Variants in PTPRG observed in about 807,000 individuals in gnomAD.
PTPRG encodes receptor-type tyrosine-protein phosphatase gamma.
A neutral mutation model predicts 165.3 loss-of-function variants in PTPRG; 102 were observed. The observed-to-expected ratio is 0.62, with a 90% CI of 0.53 to 0.73. PTPRG has a LOEUF of 0.73. Ranked by LOEUF, PTPRG falls within the 30% of genes least tolerant of loss-of-function variation. PTPRG has a pLI of 0.00. For missense variants in PTPRG, 1,866 were observed against 1,861.4 expected, an observed-to-expected ratio of 1.00 and a Z score of -0.05; for synonymous variants, 675 against 669.5, an observed-to-expected ratio of 1.01 and a Z score of -0.13.
intron 8 of PTPRG, among the ~76,000 whole-genome samples, chr3:62,185,393 C>G (rs1001683264): frequency 2.0e-5 from 3 of 152,074 alleles, no homozygotes; most frequent in Non-Finnish European, 4.4e-5. Flanking sequence ...ATCAGACTTC[C>G]CTTTGTTAGG....
rs657267 is a variant in PTPRG at position 61,735,831 on chromosome 3, C to A, written c.86-13047C>A. 7.2e-3 allele frequency among the ~76,000 whole-genome samples: 1,096 copies of A among 151,944 alleles called. 19 individuals are homozygous for A. The highest frequency in any genetic ancestry group is 0.025 in the African/African-American group (1,018 of 41,436). ...ACTTAGATGTGCTCACACCGACTTACGGAAAAGTTCTTTTTAGAATTGTTT... is the reference window on the plus strand; with the variant it reads ...ACTTAGATGTGCTCACACCGACTTAAGGAAAAGTTCTTTTTAGAATTGTTT... On this transcript the variant is annotated intron_variant, in intron 1 of 29. Coordinates refer to ENST00000474889, the MANE Select transcript of PTPRG (RefSeq NM_002841.4).
chr3:61,798,295 T>C (rs1296275896), intron 2 of PTPRG, among the ~76,000 whole-genome samples: 3 of 152,182 alleles, frequency 2.0e-5, no homozygotes, highest in African/African-American at 7.2e-5. Flanking sequence ...CTCAGCATGT[T>C]AGGATCCCTT....
intron 16 of PTPRG, among the ~76,000 whole-genome samples, chr3:62,259,169 A>C (rs772064763): frequency 6.6e-6 from 1 of 152,230 alleles, no homozygotes; most frequent in African/African-American, 2.4e-5. Flanking sequence ...CTGAGGGACC[A>C]GTGGCCACAA....
intron 2 of PTPRG, among the ~76,000 whole-genome samples, chr3:61,876,285 G>A (rs1388877183): frequency 6.6e-6 from 1 of 152,172 alleles, no homozygotes; most frequent in Non-Finnish European, 1.5e-5. Flanking sequence ...AGATTGGGGA[G>A]GGCTAAGGAG....
intron 28 of PTPRG, 35 bp downstream of exon 28, chr3:62,282,904 C>T (rs764163572): frequency 3.1e-5 from 49 of 1,557,434 alleles, no homozygotes; most frequent in East Asian, 4.6e-5. Flanking sequence ...AAATGTAGAC[C>T]GTTTTTTTGT....
At chr3:61,672,611 C>G (rs528624209) in intron 1 of PTPRG, among the ~76,000 whole-genome samples, 1,523 of 151,028 alleles carry the variant, frequency 0.01, 26 homozygotes, top group African/African-American at 0.035. Context: ...TGCAGGCACT[C>G]GGCAGGCTGA....
At position 61,699,775 on chromosome 3, in the gene PTPRG, TA is replaced by T. The variant is rs1217145814; in HGVS notation, c.86-49099del. On this transcript the variant is annotated intron_variant, in intron 1 of 29. Transcript: ENST00000474889. Reference sequence around the variant, plus strand: ...AGGAGATAGTCTGAATTCATTGGAGTAAAAGGGAACAAAAGAAGCTAGCTTC... The same window carrying T: ...AGGAGATAGTCTGAATTCATTGGAGTAAAGGGAACAAAAGAAGCTAGCTTC... 2.6e-5 allele frequency among the ~76,000 whole-genome samples: 4 copies of T among 151,928 alleles called. No homozygotes were observed. The East Asian group carries it at 7.7e-4, about 29-fold the overall frequency.
intron 2 of PTPRG, among the ~76,000 whole-genome samples, chr3:61,915,428 A>G (rs1575780544): frequency 6.6e-6 from 1 of 152,270 alleles, no homozygotes; most frequent in East Asian, 1.9e-4. Flanking sequence ...TGACTTCAAT[A>G]TGGCAGTGGA....
At chr3:62,061,826 C>G (rs1208377529) in intron 4 of PTPRG, among the ~76,000 whole-genome samples, 1 of 151,294 alleles carries the variant, frequency 6.6e-6, no homozygotes, top group South Asian at 2.1e-4. Flanking sequence ...GACGGGGTTT[C>G]ACCACGTTGG....
intron 2 of PTPRG, among the ~76,000 whole-genome samples, chr3:61,937,877 C>G (rs1217153922): frequency 6.6e-6 from 1 of 151,670 alleles, no homozygotes; most frequent in Non-Finnish European, 1.5e-5. Context: ...ATCACTGGTG[C>G]TGCCAAGAAG....
intron 1 of PTPRG, among the ~76,000 whole-genome samples, chr3:61,629,563 C>T (rs547600000): frequency 3.3e-5 from 5 of 152,260 alleles, no homozygotes; most frequent in South Asian, 4.1e-4. Flanking sequence ...TGTTCATCTG[C>T]GCTGCTGCTT....
In PTPRG at chr3:62,214,169, C is replaced by T. The variant is rs891109369; in HGVS notation, c.2156-4682C>T. On this transcript the variant is annotated intron_variant, in intron 12 of 29. Coordinates refer to ENST00000474889, the MANE Select transcript of PTPRG (RefSeq NM_002841.4). The surrounding 1 kb of genome is among the most constrained non-coding windows in gnomAD (Gnocchi z 5.2). ...GCACATCTGAAGTTCTGTATGACTG[C>T]CACTTACACACTCAGATGTTACAGA... Among the ~76,000 whole-genome samples the T allele has an allele frequency of 1.3e-5, 2 of 152,208 alleles. No homozygotes were observed. The highest frequency in any genetic ancestry group is 4.8e-5 in the African/African-American group (2 of 41,454).
At chr3:62,165,936 T>G (rs754225281) in intron 7 of PTPRG, among the ~76,000 whole-genome samples, 83 of 152,128 alleles carry the variant, frequency 5.5e-4, no homozygotes, top group Non-Finnish European at 1.0e-3. Flanking sequence ...ACCTAGAATT[T>G]GCAGAAACCC....
intron 2 of PTPRG, chr3:61,769,580 A>G (rs1479936196): frequency 1.3e-5 from 2 of 152,176 alleles, no homozygotes; most frequent in Non-Finnish European, 2.9e-5. Flanking sequence ...GATGCCCACT[A>G]ATGGTTTGGT....
chr3:61,751,807 G>A (rs2033441902), intron 2 of PTPRG, among the ~76,000 whole-genome samples: 1 of 151,976 alleles, frequency 6.6e-6, no homozygotes, highest in Non-Finnish European at 1.5e-5. Flanking sequence ...TGGCTAACAC[G>A]GTGAAATCCC....
chr3:61,855,651 CTTTTTTTT>C (rs35525843), intron 2 of PTPRG, among the ~76,000 whole-genome samples: 1 of 120,322 alleles, frequency 8.3e-6, no homozygotes, highest in Non-Finnish European at 1.7e-5. Flanking sequence ...AAGGGTAGGC[CTTTTTTTT>C]TTTTTTTTTT....
In PTPRG at chr3:61,671,668, C is replaced by T. The variant is rs1323066297; in HGVS notation, c.86-77210C>T. ...TGAGCTGTTGGGTACACCTCGCAGA[C>T]GGGGTGGTGGCCGGGCAGAGGGGCT... is the stretch of plus-strand genomic sequence containing the variant. On this transcript the variant is annotated intron_variant, in intron 1 of 29. Transcript: ENST00000474889. Among the ~76,000 whole-genome samples the T allele has an allele frequency of 5.7e-3, 843 of 147,694 alleles. 10 individuals are homozygous for T. The highest frequency in any genetic ancestry group is 0.019 in the African/African-American group (768 of 39,546).
chr3:62,248,042 A>T (rs1273493997), intron 15 of PTPRG, among the ~76,000 whole-genome samples: 1 of 152,012 alleles, frequency 6.6e-6, no homozygotes, highest in Non-Finnish European at 1.5e-5. Flanking sequence ...CCCTGGTCTC[A>T]CCTAACACTT....
chr3:62,287,689 G>A (rs187367932), intron 28 of PTPRG, among the ~76,000 whole-genome samples: 1 of 152,184 alleles, frequency 6.6e-6, no homozygotes, highest in East Asian at 1.9e-4. Context: ...AAAGTATTCA[G>A]TTCTTAAACT....
Sources: gnomAD v4.1 joint callset for allele counts (sites outside exome capture counted in the v4.1 genomes callset) on GRCh38, gnomAD v4.1.1 for gene constraint, Gnocchi (gnomAD v3.1) non-coding constraint, MANE v1.5 for transcripts, NCBI Gene and HGNC (gene_info 2026-07-23, HGNC 2026-07-21) for gene names.